The following RASGRP3 variants were observed in gnomAD, a reference collection of about 807,000 sequenced individuals.
RASGRP3 encodes ras guanyl-releasing protein 3.
A neutral mutation model predicts 82.7 loss-of-function variants in RASGRP3; 54 were observed. The observed-to-expected ratio is 0.65, with a 90% CI of 0.52 to 0.82. RASGRP3 has a LOEUF of 0.82. Among genes scored for constraint, RASGRP3 ranks in the 40% least tolerant of loss-of-function variants. The probability of loss-of-function intolerance (pLI) is 0.00; values close to 1 mark genes in which losing one functional copy is unlikely to be tolerated. For synonymous variants in RASGRP3, 309 were observed against 300.5 expected, an observed-to-expected ratio of 1.03 and a Z score of -0.29; for missense variants, 861 against 828.9, an observed-to-expected ratio of 1.04 and a Z score of -0.48.
chr2:33,527,179 T>G lies in RASGRP3; in HGVS notation c.850T>G (p.Tyr284Asp). The G allele has an allele frequency of 1.2e-6, 2 of 1,614,044 alleles. No homozygotes were observed. Among genetic ancestry groups the G allele is most frequent in the Non-Finnish European group, 1.7e-6 (2 of 1,179,886 alleles). ...MTELVSSNGN[Y>D]CNYRKAFADC... ...AGAGTTGGTCTCCTCCAACGGCAATTACTGCAATTACCGCAAGGCCTTTGC... is the reference window on the plus strand; with the variant it reads ...AGAGTTGGTCTCCTCCAACGGCAATGACTGCAATTACCGCAAGGCCTTTGC... Residue 284 changes from tyrosine to aspartate, a missense_variant, in exon 10 of 18, where the codon TAC becomes GAC. Tyr to Asp is a radical substitution (Grantham distance 160). Transcript: ENST00000403687.
At chr2:33,518,419 C>G (rs1189819476) in intron 4 of RASGRP3, among the ~76,000 whole-genome samples, 1 of 152,182 alleles carries the variant, frequency 6.6e-6, no homozygotes, top group African/African-American at 2.4e-5. Context: ...GGAAGCCGCT[C>G]AGGGTGAGTC....
At chr2:33,476,227 C>CA (rs1430851586), upstream of RASGRP3, 1 of 152,180 alleles carries the variant, frequency 6.6e-6, no homozygotes, top group Non-Finnish European at 1.5e-5. Flanking sequence ...CCGGGGTTAA[C>CA]ACAGAGCAAC....
In RASGRP3 at chr2:33,511,790, G is replaced by A. The variant is rs6543720; in HGVS notation, c.-180G>A. 0.98 allele frequency: 150,376 copies of A among 152,796 alleles called. 74,006 individuals are homozygous for A. The highest frequency in any genetic ancestry group is 1 in the East Asian group (5,187 of 5,188). The allele number at this position is 152,796 out of a possible 1,614,324, so 9.5% of individuals were successfully genotyped here. On this transcript the variant is annotated 5_prime_UTR_variant, in exon 2 of 18. Transcript: ENST00000403687. ...TTCCATGCATTTCCCAATGATGCTA[G>A]CTGCCCTTAAAATTCTTTCAGATTT...
At chr2:33,454,717 G>A (rs985631883) in intron 2 of RASGRP3, among the ~76,000 whole-genome samples, 1 of 152,138 alleles carries the variant, frequency 6.6e-6, no homozygotes, top group African/African-American at 2.4e-5. Flanking sequence ...GGGGACCCTG[G>A]TCTCTGGACC....
At chr2:33,453,779 A>G (rs1489381017) in intron 2 of RASGRP3, among the ~76,000 whole-genome samples, 1 of 152,260 alleles carries the variant, frequency 6.6e-6, no homozygotes, top group East Asian at 1.9e-4. Context: ...TAATGTTATA[A>G]AAGATGTAAT....
intron 1 of RASGRP3, among the ~76,000 whole-genome samples, chr2:33,496,483 A>G (rs796568554): frequency 6.6e-6 from 1 of 152,238 alleles, no homozygotes; most frequent in Non-Finnish European, 1.5e-5. Flanking sequence ...AGAATGTTTC[A>G]GATAGGGCCT....
At chr2:33,553,966 T>C (rs1317764146) in intron 14 of RASGRP3, among the ~76,000 whole-genome samples, 1 of 152,110 alleles carries the variant, frequency 6.6e-6, no homozygotes, top group Non-Finnish European at 1.5e-5. Flanking sequence ...CTTGATCTCT[T>C]GAGCTCATGA....
At position 33,558,327 on chromosome 2, in the gene RASGRP3, C is replaced by A. The variant is rs1676249660; in HGVS notation, c.1696C>A (p.Leu566Met). ...TGGGTCACTGCCTGGAAGCCCCTCG[C>A]TGCCCCCAGGTAATGCCCTCTGCTT... is the stretch of plus-strand genomic sequence containing the variant. ...GHGSLPGSPS[L>M]PPAQDEVFEF... is the part of the protein sequence containing the mutation. Residue 566 changes from leucine to methionine, a missense_variant, in exon 16 of 18, where the codon CTG becomes ATG. Physicochemically the swap from Leu to Met is conservative, Grantham distance 15 (BLOSUM62 2). Coordinates refer to ENST00000403687, the MANE Select transcript of RASGRP3 (RefSeq NM_001139488.2). 4 of 1,613,482 alleles carry A rather than the reference C, an allele frequency of 2.5e-6. No homozygotes were observed. The highest frequency in any genetic ancestry group is 3.4e-6 in the Non-Finnish European group (4 of 1,179,876).
upstream of RASGRP3, among the ~76,000 whole-genome samples, chr2:33,473,535 C>T (rs886539743): frequency 9.2e-5 from 14 of 152,180 alleles, no homozygotes; most frequent in African/African-American, 2.7e-4. Context: ...CAGGGTGAGA[C>T]ACAAAGCCGA....
intron 2 of RASGRP3, among the ~76,000 whole-genome samples, 164 bp downstream of exon 2, chr2:33,512,006 T>C (rs1390086125): frequency 6.6e-6 from 1 of 152,248 alleles, no homozygotes; most frequent in Non-Finnish European, 1.5e-5. Context: ...AAATAATAAG[T>C]GTATATTGCT....
At chr2:33,452,153 G>A (rs1665834460) in intron 2 of RASGRP3, among the ~76,000 whole-genome samples, 1 of 152,042 alleles carries the variant, frequency 6.6e-6, no homozygotes, top group South Asian at 2.1e-4. Flanking sequence ...TTAGTTATCT[G>A]TATTCTCTTA....
chr2:33,516,962 T>G (rs1224296639), intron 4 of RASGRP3, among the ~76,000 whole-genome samples: 2 of 152,228 alleles, frequency 1.3e-5, no homozygotes, highest in Non-Finnish European at 2.9e-5. Flanking sequence ...TAACAATGAT[T>G]CAAGACCAAA....
intron 6 of RASGRP3, among the ~76,000 whole-genome samples, chr2:33,521,058 C>T (rs774096685): frequency 1.3e-5 from 2 of 152,174 alleles, no homozygotes; most frequent in African/African-American, 2.4e-5. Context: ...GCAGCATTGG[C>T]GTTACCTGGG....
chr2:33,510,746 A>G (rs1343928114), intron 1 of RASGRP3, among the ~76,000 whole-genome samples: 2 of 152,208 alleles, frequency 1.3e-5, no homozygotes, highest in East Asian at 1.9e-4. Flanking sequence ...ACAGTCTAGT[A>G]AAGTACGCAG....
chr2:33,476,929 A>AC (rs767185768), intron 1 of RASGRP3, among the ~76,000 whole-genome samples: 38 of 114,692 alleles, frequency 3.3e-4, no homozygotes, highest in Non-Finnish European at 7.0e-4. Flanking sequence ...ATTTTCGGCA[A>AC]CGTGTCTTGT....
intron 10 of RASGRP3, chr2:33,532,567 T>G (rs1673201314): frequency 6.6e-6 from 1 of 152,230 alleles, no homozygotes; most frequent in Admixed American, 6.5e-5. Flanking sequence ...CATTTGTTTG[T>G]GACATGCGGA....
At chr2:33,459,207 T>C (rs780852849) in intron 2 of RASGRP3, among the ~76,000 whole-genome samples, 5 of 152,104 alleles carry the variant, frequency 3.3e-5, no homozygotes, top group Non-Finnish European at 5.9e-5. Context: ...CAGTCTTGGC[T>C]CACTGCAAGC....
intron 1 of RASGRP3, among the ~76,000 whole-genome samples, chr2:33,442,119 A>T (rs72802080): frequency 6.6e-6 from 1 of 152,248 alleles, no homozygotes; most frequent in Middle Eastern, 3.4e-3. Flanking sequence ...TGAAAAAAGA[A>T]GTAAGAGCTA....
chr2:33,484,318 GCTCATAAACTA>G (rs1298897066), intron 1 of RASGRP3, among the ~76,000 whole-genome samples: 1 of 152,170 alleles, frequency 6.6e-6, no homozygotes, highest in Non-Finnish European at 1.5e-5. Flanking sequence ...GATTTCTGGA[GCTCATAAACTA>G]CTCAAGAATT....
Sources: gnomAD v4.1 joint callset for allele counts (sites outside exome capture counted in the v4.1 genomes callset) on GRCh38, gnomAD v4.1.1 for gene constraint, MANE v1.5 for transcripts, NCBI Gene and HGNC (gene_info 2026-07-23, HGNC 2026-07-21) for gene names.